Variants in RIMS2 observed in about 807,000 individuals in gnomAD.
RIMS2 encodes regulating synaptic membrane exocytosis protein 2.
A neutral mutation model predicts 174.4 loss-of-function variants in RIMS2; 59 were observed. The ratio of observed to expected loss-of-function variants is 0.34; its 90% CI spans 0.27 to 0.42. The LOEUF (loss-of-function observed/expected upper bound fraction) is 0.42. RIMS2 is among the 10% of genes least tolerant of loss of function. RIMS2 has a pLI of 1.00. For synonymous variants in RIMS2, 606 were observed against 572.5 expected (o/e 1.06, Z -0.84); for missense variants, 1,620 against 1,666.3 (o/e 0.97, Z 0.48).
intron 15 of RIMS2, among the ~76,000 whole-genome samples, chr8:103,967,851 CT>C (rs1183741701): frequency 8.0e-3 from 880 of 109,544 alleles, no homozygotes; most frequent in African/African-American, 0.017. Flanking sequence ...CCTACTCCTG[CT>C]TTTTTTTTTT....
chr8:103,901,788 C>A (rs181818704), intron 4 of RIMS2, among the ~76,000 whole-genome samples: 5 of 152,250 alleles, frequency 3.3e-5, no homozygotes, highest in Non-Finnish European at 5.9e-5. Flanking sequence ...ATTTCAAATT[C>A]TACTGTACTT....
At chr8:103,502,511 G>GA in intron 1 of RIMS2, among the ~76,000 whole-genome samples, 1 of 152,186 alleles carries the variant, frequency 6.6e-6, no homozygotes, top group Admixed American at 6.5e-5. Context: ...ACTTATTTGG[G>GA]AATGTTATTT....
At chr8:103,581,662 A>G (rs1425778002) in intron 1 of RIMS2, among the ~76,000 whole-genome samples, 1 of 152,216 alleles carries the variant, frequency 6.6e-6, no homozygotes, top group African/African-American at 2.4e-5. Flanking sequence ...GGACATTCAA[A>G]TTAGAAAGGA....
At chr8:103,753,522 C>A (rs1591672863) in intron 2 of RIMS2, among the ~76,000 whole-genome samples, 1 of 152,090 alleles carries the variant, frequency 6.6e-6, no homozygotes, top group Admixed American at 6.6e-5. Flanking sequence ...GTACCAGTTC[C>A]TCCTTATACC....
At chr8:103,864,567 C>A (rs980540124) in intron 3 of RIMS2, among the ~76,000 whole-genome samples, 1 of 152,016 alleles carries the variant, frequency 6.6e-6, no homozygotes, top group African/African-American at 2.4e-5. Context: ...TAAAAAATTT[C>A]CTGAGACTTA....
At chr8:104,251,040 G>A (rs1414392666) in exon 23 of RIMS2, 5 of 1,613,310 alleles carry the variant, frequency 3.1e-6, no homozygotes, top group African/African-American at 1.3e-5. Flanking sequence ...ATGTAAAAGT[G>A]TATCTATTAG....
chr8:104,056,205 C>A (rs2096866080), intron 19 of RIMS2, among the ~76,000 whole-genome samples: 1 of 151,946 alleles, frequency 6.6e-6, no homozygotes, highest in South Asian at 2.1e-4. Context: ...GAGATCAAGA[C>A]CATCCTGGCT....
At chr8:103,532,192 T>A (rs1292902519) in intron 1 of RIMS2, among the ~76,000 whole-genome samples, 1 of 152,212 alleles carries the variant, frequency 6.6e-6, no homozygotes, top group Non-Finnish European at 1.5e-5. Flanking sequence ...TTCTTTTCCA[T>A]TCAAACCTAC....
At chr8:104,054,547 G>A (rs562608582) in intron 19 of RIMS2, among the ~76,000 whole-genome samples, 1 of 152,130 alleles carries the variant, frequency 6.6e-6, no homozygotes, top group Admixed American at 6.5e-5. Context: ...AAGTTAAAAT[G>A]TGCTGCTCTT....
intron 3 of RIMS2, among the ~76,000 whole-genome samples, chr8:103,807,689 T>C (rs369346774): frequency 5.9e-5 from 9 of 152,178 alleles, no homozygotes; most frequent in African/African-American, 2.2e-4. Flanking sequence ...GACTAAAGAG[T>C]AAATAAACTA....
intron 3 of RIMS2, among the ~76,000 whole-genome samples, chr8:103,872,323 A>T (rs1408279824): frequency 6.6e-6 from 1 of 152,156 alleles, no homozygotes; most frequent in Non-Finnish European, 1.5e-5. Context: ...TTGTTCCTAG[A>T]CCACTTGTAT....
chr8:103,748,283 A>T (rs2097845765), intron 2 of RIMS2, among the ~76,000 whole-genome samples: 1 of 151,946 alleles, frequency 6.6e-6, no homozygotes, highest in Non-Finnish European at 1.5e-5. Context: ...CTCTACAAAA[A>T]ATAAAAAAAA....
chr8:103,727,795 A>G (rs1483526518), intron 2 of RIMS2, among the ~76,000 whole-genome samples: 1 of 152,156 alleles, frequency 6.6e-6, no homozygotes, highest in African/African-American at 2.4e-5. Flanking sequence ...CCATTGATCT[A>G]TGTATCTGTT....
At chr8:104,060,164 C>T (rs1004052242) in intron 19 of RIMS2, among the ~76,000 whole-genome samples, 6 of 151,692 alleles carry the variant, frequency 4.0e-5, no homozygotes, top group Non-Finnish European at 7.4e-5. Flanking sequence ...CCTCCTTGTA[C>T]CTCTGGTAGA....
intron 19 of RIMS2, among the ~76,000 whole-genome samples, chr8:104,185,115 A>G (rs919061656): frequency 1.3e-5 from 2 of 151,568 alleles, no homozygotes; most frequent in African/African-American, 4.8e-5. Flanking sequence ...AATAAATGAA[A>G]CTGTTTAAAT....
At chr8:103,663,304 A>G (rs1423669466) in intron 1 of RIMS2, among the ~76,000 whole-genome samples, 1 of 152,190 alleles carries the variant, frequency 6.6e-6, no homozygotes, top group African/African-American at 2.4e-5. Context: ...GTGTTACAAT[A>G]GAAATAAAGG....
At chr8:103,915,238 T>C (rs1346909393) in intron 6 of RIMS2, among the ~76,000 whole-genome samples, 3 of 152,114 alleles carry the variant, frequency 2.0e-5, no homozygotes, top group Non-Finnish European at 2.9e-5. Flanking sequence ...TACCAATTGT[T>C]ATGTTGTTTC....
At chr8:104,081,929 A>T (rs2097427568) in intron 19 of RIMS2, among the ~76,000 whole-genome samples, 1 of 152,100 alleles carries the variant, frequency 6.6e-6, no homozygotes, top group Admixed American at 6.6e-5. Context: ...AAAAGTGGTT[A>T]TATGAGTCTT....
intron 3 of RIMS2, among the ~76,000 whole-genome samples, chr8:103,795,594 A>G (rs2098543842): frequency 1.3e-5 from 2 of 152,130 alleles, no homozygotes; most frequent in African/African-American, 4.8e-5. Flanking sequence ...ATGATGAAAA[A>G]TAAGAAGTAC....
Sources: gnomAD v4.1 joint callset for allele counts (sites outside exome capture counted in the v4.1 genomes callset) on GRCh38, gnomAD v4.1.1 for gene constraint, MANE v1.5 for transcripts, NCBI Gene and HGNC (gene_info 2026-07-23, HGNC 2026-07-21) for gene names.